SHOC1: variants seen among roughly 807,000 people sequenced by gnomAD.
SHOC1 encodes protein shortage in chiasmata 1 ortholog.
In SHOC1, 136 loss-of-function variants were observed where a neutral mutation model predicts 179.2. That is an observed-to-expected ratio of 0.76 (90% CI 0.66 to 0.87). The LOEUF (loss-of-function observed/expected upper bound fraction) is 0.87, where lower values mean the gene tolerates loss of function less well. SHOC1 is among the 40% of genes least tolerant of loss of function. The probability of loss-of-function intolerance (pLI) is 0.00; values close to 1 mark genes in which losing one functional copy is unlikely to be tolerated. For synonymous variants in SHOC1, 489 were observed against 586.6 expected (o/e 0.83, Z 2.41); for missense variants, 1,538 against 1,700.8 (o/e 0.90, Z 1.68).
chr9:111,691,221 A>G (rs1003489267), intron 27 of SHOC1, among the ~76,000 whole-genome samples: 1 of 152,196 alleles, frequency 6.6e-6, no homozygotes, highest in Non-Finnish European at 1.5e-5. Context: ...AGTTAAATAT[A>G]CCTGCTCCAC....
intron 24 of SHOC1, among the ~76,000 whole-genome samples, chr9:111,696,029 CAATT>C (rs1445804955): frequency 2.0e-5 from 3 of 152,102 alleles, no homozygotes; most frequent in East Asian, 1.9e-4. Context: ...GCGATAATGA[CAATT>C]AATTTATTAG....
chr9:111,686,990 G>A (rs1831203423), intron 27 of SHOC1, 120 bp from the exon 28 acceptor site: 1 of 533,322 alleles, frequency 1.9e-6, no homozygotes, highest in African/African-American at 2.1e-5. Flanking sequence ...TTGTCGCCCA[G>A]GCTGGAGTGT....
At chr9:111,730,600 T>C (rs1833521099) in intron 12 of SHOC1, among the ~76,000 whole-genome samples, 1 of 152,226 alleles carries the variant, frequency 6.6e-6, no homozygotes. Context: ...AACAGTGGCC[T>C]TAAAATATTG....
At chr9:111,762,892 A>G (rs1042528275) in intron 5 of SHOC1, among the ~76,000 whole-genome samples, 4 of 152,098 alleles carry the variant, frequency 2.6e-5, no homozygotes, top group African/African-American at 9.7e-5. Context: ...TAAATATTGC[A>G]AAGGAAGAAA....
Sources: allele counts gnomAD v4.1 joint callset (sites outside exome capture counted in the v4.1 genomes callset), GRCh38; gene constraint gnomAD v4.1.1; transcripts MANE v1.5; gene names NCBI Gene and HGNC (gene_info 2026-07-23, HGNC 2026-07-21).